UNC13A: variants seen among roughly 807,000 people sequenced by gnomAD.
UNC13A encodes protein unc-13 homolog A.
UNC13A carries 61 observed loss-of-function variants against 219.7 expected under a neutral mutation model. The observed-to-expected ratio is 0.28, with a 90% CI of 0.23 to 0.34. The LOEUF is 0.34. UNC13A is among the 10% of genes least tolerant of loss of function. UNC13A has a pLI of 1.00. For synonymous variants in UNC13A, 920 were observed against 884.6 expected (o/e 1.04, Z -0.71); for missense variants, 1,476 against 2,270.3 (o/e 0.65, Z 7.11).
chr19:17,666,177 T>C (rs113723867), intron 7 of UNC13A, among the ~76,000 whole-genome samples: 118 of 31,772 alleles, frequency 3.7e-3, no homozygotes, highest in African/African-American at 0.012. Context: ...CTTTCTTTCT[T>C]TCTCTCTCTC....
At chr19:17,655,862 C>T in intron 10 of UNC13A, 21 bp downstream of exon 10, 1 of 1,502,378 alleles carries the variant, frequency 6.7e-7, no homozygotes, top group Admixed American at 2.4e-5. Context: ...CCCCTCTGGC[C>T]CCTTGGCCCC....
chr19:17,640,802 G>A, intron 21 of UNC13A, 141 bp from the exon 22 acceptor site: 1 of 847,202 alleles, frequency 1.2e-6, no homozygotes, highest in Non-Finnish European at 1.7e-6. Flanking sequence ...TCTGTCCTTT[G>A]GGTCTCCGCA....
rs1440607583 is a variant in UNC13A, at chr19:17,603,891, A to C, written c.*2163T>G. ...CAGTTGTGTGATCACGACTCACTAC[A>C]ACCTCTGCCTCCAGGGTTCAAACAA... On this transcript the variant is annotated 3_prime_UTR_variant, in exon 44 of 44. Coordinates refer to ENST00000519716, the MANE Select transcript of UNC13A (RefSeq NM_001080421.3). 6.6e-6 allele frequency: 1 copy of C among 151,566 alleles called. No individual in the cohort carries two copies. The highest frequency in any genetic ancestry group is 1.9e-4 in the East Asian group (1 of 5,172). 9.4% of individuals were successfully genotyped at this position (151,566 alleles called of 1,614,324 possible).
chr19:17,674,626 A>G lies in UNC13A; in HGVS notation c.152+31T>C, dbSNP rs557887466. ...AGCGAGGTGCTGGGCTATGCCAGGG[A>G]GTGAGGTCATGCCAGACGCTGCAGA... On this transcript the variant is annotated intron_variant, in intron 3 of 43. Transcript: ENST00000519716. The surrounding 1 kb of genome is among the most constrained non-coding windows in gnomAD (Gnocchi z 5.0). The G allele has an allele frequency of 2.1e-5, 33 of 1,600,254 alleles. No individual in the cohort carries two copies. In the East Asian group the frequency reaches 6.7e-4, roughly 32 times the overall value.
chr19:17,623,519 C>T (rs1365832128), intron 36 of UNC13A, 23 bp downstream of exon 36: 6 of 1,518,300 alleles, frequency 4.0e-6, no homozygotes, highest in East Asian at 2.6e-5. Flanking sequence ...GACAGACAGA[C>T]GGACAGACGG....
At chr19:17,671,686 A>T (rs906254474) in intron 4 of UNC13A, among the ~76,000 whole-genome samples, 4 of 152,090 alleles carry the variant, frequency 2.6e-5, no homozygotes, top group African/African-American at 9.7e-5. Context: ...AGGTGGGAGG[A>T]TCACTTGAGC....
chr19:17,687,194 TG>T (rs941106263), intron 1 of UNC13A, among the ~76,000 whole-genome samples: 1 of 151,848 alleles, frequency 6.6e-6, no homozygotes, highest in Non-Finnish European at 1.5e-5. Context: ...AGGTGTGGGG[TG>T]GGGGGTCATG....
chr19:17,648,444 G>C lies in UNC13A; in HGVS notation c.1803C>G (p.Ala601=). The stretch of plus-strand genomic sequence containing the variant: ...CCCTGCGCTCACGCTGCAGGCAGTC[G>C]GCGTTGAGCAGGTCCTGGCACTTCT... The part of the protein sequence containing the change: ...CHEKCQDLLN[A]DCLQRAAEKS... The change falls in exon 16 of 44, where the codon GCC becomes GCG. Residue 601 remains alanine, a synonymous_variant. Transcript: ENST00000519716. 6.2e-7 allele frequency: 1 copy of C among 1,600,032 alleles called. No individual in the cohort carries two copies. The highest frequency in any genetic ancestry group is 8.5e-7 in the Non-Finnish European group (1 of 1,176,652).
intron 41 of UNC13A, among the ~76,000 whole-genome samples, chr19:17,614,799 C>G (rs1003038448): frequency 2.6e-5 from 4 of 152,256 alleles, no homozygotes; most frequent in South Asian, 2.1e-4. Flanking sequence ...ACCCCCACCC[C>G]CCGCCACCAG....
intron 41 of UNC13A, 66 bp downstream of exon 41, chr19:17,617,636 G>A (rs1450992444): frequency 1.3e-5 from 20 of 1,588,510 alleles, no homozygotes; most frequent in South Asian, 3.3e-5. Context: ...AATGGCAGCC[G>A]TTCAGGCTTG....
intron 17 of UNC13A, 28 bp from the exon 18 acceptor site, chr19:17,646,139 T>C (rs761573096): frequency 1.2e-5 from 20 of 1,611,756 alleles, no homozygotes; most frequent in Non-Finnish European, 1.6e-5. Flanking sequence ...CATACACAGG[T>C]GTGCACTCAA....
At chr19:17,607,182 T>C (rs1370584331) in intron 43 of UNC13A, among the ~76,000 whole-genome samples, 2 of 152,158 alleles carry the variant, frequency 1.3e-5, no homozygotes, top group Admixed American at 6.6e-5. Context: ...TCTTGTCCCA[T>C]AAGAGCTCCC....
chr19:17,631,346 G>A (rs1454540842), intron 28 of UNC13A, among the ~76,000 whole-genome samples: 4 of 150,146 alleles, frequency 2.7e-5, no homozygotes, highest in Non-Finnish European at 5.9e-5. Flanking sequence ...TCAGCTTCCC[G>A]AATAGCTGGC....
At chr19:17,613,288 A>G (rs2076624002) in intron 41 of UNC13A, among the ~76,000 whole-genome samples, 1 of 152,048 alleles carries the variant, frequency 6.6e-6, no homozygotes, top group Non-Finnish European at 1.5e-5. Flanking sequence ...ATGCACCTGT[A>G]GTCCCAGCTA....
At chr19:17,623,629 C>T in intron 35 of UNC13A, 82 bp from the exon 36 acceptor site, 6 of 689,998 alleles carry the variant, frequency 8.7e-6, no homozygotes, top group Non-Finnish European at 2.2e-6. Flanking sequence ...AGGGAGGGGG[C>T]AGAGATGGCA....
intron 7 of UNC13A, among the ~76,000 whole-genome samples, chr19:17,666,023 C>T (rs2079634130): frequency 5.0e-5 from 1 of 19,942 alleles, no homozygotes; most frequent in South Asian, 1.4e-3. Context: ...TCCTTTCTTC[C>T]TTCTTGTCTT....
At position 17,632,789 on chromosome 19, in the gene UNC13A, A is replaced by C; in HGVS notation, c.3421T>G (p.Tyr1141Asp). 1 of 1,613,800 alleles carries C rather than the reference A, an allele frequency of 6.2e-7. No homozygotes were observed. Among genetic ancestry groups the C allele is most frequent in the Non-Finnish European group, 8.5e-7 (1 of 1,179,886 alleles). ...LPAFKDRVPEYPAWFEPFVIQ... is the reference protein window; with the variant it reads ...LPAFKDRVPEDPAWFEPFVIQ... ...CTGGGGCAGGGGACTTACGCAGGGTACTCAGGCACGCGGTCCTTGAAGGCG... is the reference window on the plus strand; with the variant it reads ...CTGGGGCAGGGGACTTACGCAGGGTCCTCAGGCACGCGGTCCTTGAAGGCG... Residue 1141 changes from tyrosine to aspartate, a missense_variant, in exon 28 of 44, where the codon TAC becomes GAC. Around this residue, in one of 14 missense-constraint regions of UNC13A, gnomAD observed 218 missense variants for 409.4 expected, o/e 0.53. Coordinates refer to ENST00000519716, the MANE Select transcript of UNC13A (RefSeq NM_001080421.3).
At position 17,647,344 on chromosome 19, in the gene UNC13A, C is replaced by A. The variant is rs777063829; in HGVS notation, c.1965G>T (p.Ala655=). 1 of 1,612,846 alleles carries A rather than the reference C, an allele frequency of 6.2e-7. No individual in the cohort carries two copies. Among genetic ancestry groups the A allele is most frequent in the South Asian group, 1.1e-5 (1 of 90,918 alleles). The change falls in exon 17 of 44, where the codon GCG becomes GCT. Residue 655 remains alanine (A), a synonymous_variant. Transcript: ENST00000519716. The part of the protein sequence containing the change: ...IQEIFAVTKT[A]HTQQMKAVKQ... ...TGACCGCCTTCATCTGCTGCGTGTG[C>A]GCCGTCTTGGTCACCGCGAAGATCT...
chr19:17,627,991 G>A lies in UNC13A; in HGVS notation c.3754-51C>T. 6.5e-7 allele frequency: 1 copy of A among 1,530,560 alleles called. No individual in the cohort carries two copies. The highest frequency in any genetic ancestry group is 8.9e-7 in the Non-Finnish European group (1 of 1,123,428). The allele number at this position is 1,530,560 out of a possible 1,614,324, so 94.8% of individuals were successfully genotyped here. ...TCAAGCCTCAGGACCTCTCCCCAGA[G>A]CCTCCCCTACCCACCGCCAGGGACC... On this transcript the variant is annotated intron_variant, in intron 31 of 43. Coordinates refer to ENST00000519716, the MANE Select transcript of UNC13A (RefSeq NM_001080421.3). The surrounding 1 kb of genome is among the most constrained non-coding windows in gnomAD (Gnocchi z 4.7).
Sources: allele counts gnomAD v4.1 joint callset (sites outside exome capture counted in the v4.1 genomes callset), GRCh38; gene constraint gnomAD v4.1.1; regional missense constraint gnomAD v4.1.1; non-coding constraint Gnocchi (gnomAD v3.1); transcripts MANE v1.5; gene names NCBI Gene and HGNC (gene_info 2026-07-23, HGNC 2026-07-21).